The following SH3GL2 variants were observed in gnomAD, a reference collection of about 807,000 sequenced individuals.
The protein encoded by SH3GL2 is SH3 domain containing GRB2 like 2, endophilin A1, also known as endophilin-A1.
A neutral mutation model predicts 46.0 loss-of-function variants in SH3GL2; 24 were observed. The observed-to-expected ratio is 0.52, with a 90% CI of 0.38 to 0.73. SH3GL2 has a LOEUF of 0.73. Ranked by LOEUF, SH3GL2 falls within the 30% of genes least tolerant of loss-of-function variation. The pLI is 0.00. For missense variants in SH3GL2, 413 were observed against 424.2 expected (o/e 0.97, Z 0.23); for synonymous variants, 196 against 147.1 (o/e 1.33, Z -2.40).
intron 3 of SH3GL2, among the ~76,000 whole-genome samples, chr9:17,769,230 G>A (rs529396100): frequency 4.6e-5 from 7 of 152,228 alleles, no homozygotes; most frequent in Admixed American, 2.6e-4. Context: ...TTAAAGTGTT[G>A]CTTGTCACTG....
chr9:17,762,242 GAT>G (rs1823197868), intron 3 of SH3GL2, among the ~76,000 whole-genome samples: 1 of 152,122 alleles, frequency 6.6e-6, no homozygotes, highest in Admixed American at 6.6e-5. Context: ...ATTTAAGTGA[GAT>G]GTGTGAATAT....
intron 3 of SH3GL2, among the ~76,000 whole-genome samples, chr9:17,781,792 A>G (rs1297751609): frequency 6.6e-6 from 1 of 151,950 alleles, no homozygotes; most frequent in Non-Finnish European, 1.5e-5. Flanking sequence ...CTCTCCCTTT[A>G]CGGTTCACTC....
chr9:17,649,855 C>G (rs1819913308), intron 1 of SH3GL2, among the ~76,000 whole-genome samples: 1 of 152,036 alleles, frequency 6.6e-6, no homozygotes, highest in Non-Finnish European at 1.5e-5. Flanking sequence ...CCTGTTGTAA[C>G]AGAAGTGACA....
intron 1 of SH3GL2, chr9:17,590,621 G>T (rs1818463599): frequency 6.6e-6 from 1 of 152,042 alleles, no homozygotes; most frequent in African/African-American, 2.4e-5. Flanking sequence ...TCCAAATTTT[G>T]CAGATATATT....
intron 1 of SH3GL2, among the ~76,000 whole-genome samples, chr9:17,728,474 G>A (rs1047132052): frequency 1.3e-4 from 19 of 151,674 alleles, no homozygotes; most frequent in Admixed American, 7.9e-4. Flanking sequence ...ATTTATGTAT[G>A]TATGTATTTA....
In SH3GL2 at chr9:17,648,886, C is replaced by T. The variant is rs556746935; in HGVS notation, c.45+69599C>T. On this transcript the variant is annotated intron_variant, in intron 1 of 8. Coordinates refer to ENST00000380607, the MANE Select transcript of SH3GL2 (RefSeq NM_003026.5). ...CCTAGAAACAAAGTTCTGTAGACTA[C>T]TCATCATATCAATCATTTTTTCCCA... Among the ~76,000 whole-genome samples the T allele has an allele frequency of 2.0e-5, 3 of 152,174 alleles. No homozygotes were observed. The South Asian group carries it at 6.2e-4, about 32-fold the overall frequency.
intron 2 of SH3GL2, among the ~76,000 whole-genome samples, chr9:17,755,136 A>G (rs1309774930): frequency 6.6e-6 from 1 of 152,124 alleles, no homozygotes; most frequent in South Asian, 2.1e-4. Flanking sequence ...CATATATGGC[A>G]CTTATTGTTT....
intron 3 of SH3GL2, among the ~76,000 whole-genome samples, chr9:17,777,277 C>G (rs963270414): frequency 1.3e-5 from 2 of 151,978 alleles, no homozygotes; most frequent in Admixed American, 6.6e-5. Context: ...AGAGTAAACC[C>G]AGGTGGAATA....
intron 1 of SH3GL2, among the ~76,000 whole-genome samples, chr9:17,607,639 G>T (rs1818785011): frequency 2.6e-5 from 4 of 152,160 alleles, no homozygotes; most frequent in African/African-American, 7.2e-5. Flanking sequence ...TTTTTCCAAA[G>T]TATTTTTTAC....
chr9:17,702,189 AAAG>A (rs1276398089), intron 1 of SH3GL2, among the ~76,000 whole-genome samples: 1 of 152,154 alleles, frequency 6.6e-6, no homozygotes, highest in Non-Finnish European at 1.5e-5. Context: ...TGCTTGGAAA[AAAG>A]GTTGGATCCA....
intron 2 of SH3GL2, 134 bp from the exon 3 acceptor site, chr9:17,761,303 A>C: frequency 1.5e-6 from 1 of 663,168 alleles, no homozygotes; most frequent in Non-Finnish European, 2.7e-6. Context: ...GCCGCGTCTC[A>C]GCCTCCCTCA....
At chr9:17,625,502 T>C (rs1004075477) in intron 1 of SH3GL2, among the ~76,000 whole-genome samples, 2 of 152,228 alleles carry the variant, frequency 1.3e-5, no homozygotes, top group African/African-American at 4.8e-5. Context: ...CATGGGATCC[T>C]CTGGACAATA....
intron 1 of SH3GL2, among the ~76,000 whole-genome samples, chr9:17,706,584 G>T (rs955367984): frequency 6.6e-6 from 1 of 151,990 alleles, no homozygotes; most frequent in Non-Finnish European, 1.5e-5. Context: ...AATGTTGTAC[G>T]TGTAATCTTT....
At chr9:17,673,737 A>G (rs1297693955) in intron 1 of SH3GL2, among the ~76,000 whole-genome samples, 2 of 152,216 alleles carry the variant, frequency 1.3e-5, no homozygotes, top group Non-Finnish European at 2.9e-5. Flanking sequence ...ATAATGCTTC[A>G]CACACCCTCA....
intron 1 of SH3GL2, among the ~76,000 whole-genome samples, chr9:17,737,805 C>G (rs934593350): frequency 1.3e-5 from 2 of 152,078 alleles, no homozygotes. Context: ...GAGCAGTCGC[C>G]TTTGAGCTCT....
At chr9:17,775,123 A>G (rs1823605731) in intron 3 of SH3GL2, among the ~76,000 whole-genome samples, 1 of 125,324 alleles carries the variant, frequency 8.0e-6, no homozygotes, top group Non-Finnish European at 1.8e-5. Context: ...ATCAGAATGA[A>G]TATCCCCACT....
chr9:17,713,136 A>G (rs1821672966), intron 1 of SH3GL2, among the ~76,000 whole-genome samples: 1 of 150,676 alleles, frequency 6.6e-6, no homozygotes, highest in South Asian at 2.1e-4. Flanking sequence ...ATGATGGTGT[A>G]GTTTTCCTTT....
chr9:17,761,375 A>T (rs879134395), intron 2 of SH3GL2, 62 bp from the exon 3 acceptor site: 1 of 1,071,756 alleles, frequency 9.3e-7, no homozygotes, highest in South Asian at 1.2e-5. Context: ...AGACTCAACC[A>T]AAAACCGGTA....
intron 1 of SH3GL2, among the ~76,000 whole-genome samples, chr9:17,722,732 T>G (rs1821926864): frequency 6.6e-6 from 1 of 152,092 alleles, no homozygotes; most frequent in Non-Finnish European, 1.5e-5. Flanking sequence ...CAGCATCTGA[T>G]AAGGCTTATG....
Sources: allele counts gnomAD v4.1 joint callset (sites outside exome capture counted in the v4.1 genomes callset), GRCh38; gene constraint gnomAD v4.1.1; transcripts MANE v1.5; gene names NCBI Gene and HGNC (gene_info 2026-07-23, HGNC 2026-07-21).